TMEM248: variants seen among roughly 807,000 people sequenced by gnomAD.
TMEM248 encodes transmembrane protein 248, also known as UPF0458 protein C7orf42.
Under a neutral mutation model 30.3 loss-of-function variants are expected in TMEM248, and 9 were observed. The observed-to-expected ratio is 0.30, with a 90% CI of 0.18 to 0.52. The LOEUF (loss-of-function observed/expected upper bound fraction) is 0.52. Ranked by LOEUF, TMEM248 falls within the 20% of genes least tolerant of loss-of-function variation. The probability of loss-of-function intolerance (pLI) is 0.97; values close to 1 mark genes in which losing one functional copy is unlikely to be tolerated. For synonymous variants in TMEM248, 184 were observed against 154.4 expected (o/e 1.19, Z -1.42); for missense variants, 338 against 403.3 (o/e 0.84, Z 1.39).
At position 66,956,606 on chromosome 7, in the gene TMEM248, C is replaced by A. The variant is rs1792411247; in HGVS notation, c.*1084C>A. The stretch of plus-strand genomic sequence containing the variant: ...AGTAAAATTACGAAAACGATGCCTG[C>A]AAAATTTGAAGGAATGCAATTCTGA... On this transcript the variant is annotated 3_prime_UTR_variant, in exon 7 of 7. Coordinates refer to ENST00000341567, the MANE Select transcript of TMEM248 (RefSeq NM_017994.5). The A allele has an allele frequency of 6.6e-6, 1 of 152,114 alleles. No homozygotes were observed. The highest frequency in any genetic ancestry group is 2.4e-5 in the African/African-American group (1 of 41,408). The allele number at this position is 152,114 out of a possible 1,614,324, so 9.4% of individuals were successfully genotyped here.
chr7:66,955,765 C>G lies in TMEM248; in HGVS notation c.*243C>G. Reference sequence around the variant, plus strand: ...CAGAGCCCTTCAACCCCACCTTGGACTTGAGGACCTACCTGATGGGACGTT... The same window carrying G: ...CAGAGCCCTTCAACCCCACCTTGGAGTTGAGGACCTACCTGATGGGACGTT... On this transcript the variant is annotated 3_prime_UTR_variant, in exon 7 of 7. Transcript: ENST00000341567. 2.0e-6 allele frequency: 1 copy of G among 490,870 alleles called. No individual in the cohort carries two copies. Among genetic ancestry groups the G allele is most frequent in the Non-Finnish European group, 3.5e-6 (1 of 282,284 alleles). 30.4% of individuals were successfully genotyped at this position (490,870 alleles called of 1,614,324 possible). A position where few individuals can be genotyped will look rare whatever the true frequency, so the allele number is the denominator to read the frequency against.
intron 1 of TMEM248, among the ~76,000 whole-genome samples, chr7:66,934,781 G>A (rs929137714): frequency 6.6e-6 from 1 of 152,170 alleles, no homozygotes; most frequent in Non-Finnish European, 1.5e-5. Flanking sequence ...GCCAGGTGTG[G>A]TGGTTCACAC....
chr7:66,932,133 C>T (rs1037379675), intron 1 of TMEM248, among the ~76,000 whole-genome samples: 2 of 152,144 alleles, frequency 1.3e-5, no homozygotes, highest in Non-Finnish European at 2.9e-5. Flanking sequence ...CTGCTTTCCT[C>T]CCCTTATATT....
intron 1 of TMEM248, among the ~76,000 whole-genome samples, chr7:66,938,108 T>A (rs1584404254): frequency 1.3e-5 from 2 of 152,320 alleles, no homozygotes; most frequent in South Asian, 2.1e-4. Flanking sequence ...CTGGTTTTTT[T>A]ATTCATTCAG....
intron 1 of TMEM248, among the ~76,000 whole-genome samples, chr7:66,928,682 G>A (rs926401133): frequency 6.6e-6 from 1 of 152,014 alleles, no homozygotes; most frequent in African/African-American, 2.4e-5. Context: ...TAGTGAAAGG[G>A]GTTTTGCTTA....
At chr7:66,923,479 A>G (rs1220478588) in intron 1 of TMEM248, among the ~76,000 whole-genome samples, 1 of 152,108 alleles carries the variant, frequency 6.6e-6, no homozygotes, top group African/African-American at 2.4e-5. Context: ...GGACCTAGAA[A>G]GATCAAGAGG....
chr7:66,930,665 T>C (rs1311232535), intron 1 of TMEM248: 1 of 152,612 alleles, frequency 6.6e-6, no homozygotes, highest in South Asian at 2.1e-4. Flanking sequence ...TTCTGCGCAG[T>C]GCTTGGGGCA....
At chr7:66,940,280 A>G in intron 1 of TMEM248, among the ~76,000 whole-genome samples, 1 of 152,188 alleles carries the variant, frequency 6.6e-6, no homozygotes, top group East Asian at 1.9e-4. Context: ...AGAAGAGCAA[A>G]CGTGGAAATG....
chr7:66,924,384 C>G (rs887322218), intron 1 of TMEM248, among the ~76,000 whole-genome samples: 1 of 152,120 alleles, frequency 6.6e-6, no homozygotes, highest in Non-Finnish European at 1.5e-5. Flanking sequence ...CTGGCCTCAG[C>G]CTTAGCCCTT....
intron 1 of TMEM248, 64 bp from the exon 2 acceptor site, chr7:66,941,784 C>A: frequency 1.4e-6 from 2 of 1,457,750 alleles, no homozygotes; most frequent in South Asian, 3.0e-5. Context: ...CAAAAGGAAA[C>A]AAAAGAATCA....
rs1241838229 is a variant in TMEM248, at chr7:66,956,029, A to G, written c.*507A>G. 1.3e-5 allele frequency: 2 copies of G among 153,536 alleles called. No individual in the cohort carries two copies. The highest frequency in any genetic ancestry group is 1.5e-5 in the Non-Finnish European group (1 of 68,688). 9.5% of individuals were successfully genotyped at this position (153,536 alleles called of 1,614,324 possible). A position where few individuals can be genotyped will look rare whatever the true frequency, so the allele number is the denominator to read the frequency against. ...TGGCTTAATAATCATAGTAACAACAATAATACCTTTTTCTCCATTTTGCTT... is the reference window on the plus strand; with the variant it reads ...TGGCTTAATAATCATAGTAACAACAGTAATACCTTTTTCTCCATTTTGCTT... On this transcript the variant is annotated 3_prime_UTR_variant, in exon 7 of 7. Coordinates refer to ENST00000341567, the MANE Select transcript of TMEM248 (RefSeq NM_017994.5).
intron 3 of TMEM248, among the ~76,000 whole-genome samples, chr7:66,947,441 C>T (rs991574756): frequency 6.6e-6 from 1 of 152,046 alleles, no homozygotes; most frequent in African/African-American, 2.4e-5. Context: ...CTCACTCTGT[C>T]GCCCAGGTTG....
Position 66,950,989 on chromosome 7 carries a change from G to T in TMEM248, c.634G>T (p.Ala212Ser). The T allele has an allele frequency of 6.2e-7, 1 of 1,609,122 alleles. No homozygotes were observed. The change falls in exon 5 of 7, where the codon GCC (alanine) becomes TCC (serine). Residue 212 changes from alanine to serine, a missense_variant. Physicochemically the swap from Ala to Ser is moderately conservative, Grantham distance 99. Coordinates refer to ENST00000341567, the MANE Select transcript of TMEM248 (RefSeq NM_017994.5). The part of the protein sequence containing the change: ...PHCVPDTYSN[A>S]TLWYKIFTTA... ...CTGTGTTCCTGACACGTACAGCAAC[G>T]CCACGCTCTGGTACAAGATCTTCAC...
chr7:66,951,206 C>T (rs1051014976), intron 5 of TMEM248, 71 bp downstream of exon 5: 12 of 1,419,058 alleles, frequency 8.5e-6, no homozygotes, highest in African/African-American at 5.9e-5. Flanking sequence ...GTGCTGCAAC[C>T]GTTGGTGTAG....
At chr7:66,931,792 CTTTTTTTTTTTT>C (rs1156882038) in intron 1 of TMEM248, among the ~76,000 whole-genome samples, 6 of 88,458 alleles carry the variant, frequency 6.8e-5, no homozygotes, top group Middle Eastern at 8.2e-3. Flanking sequence ...GGCCTTCCTC[CTTTTTTTTTTTT>C]TTTTTTTTTT....
intron 3 of TMEM248, among the ~76,000 whole-genome samples, chr7:66,948,142 G>A (rs377246285): frequency 1.3e-5 from 2 of 152,204 alleles, no homozygotes; most frequent in African/African-American, 4.8e-5. Flanking sequence ...ATGTAAAAGG[G>A]GAACAGCTGC....
chr7:66,948,938 C>CTTT (rs1336947827), intron 4 of TMEM248, among the ~76,000 whole-genome samples: 1 of 152,154 alleles, frequency 6.6e-6, no homozygotes, highest in Non-Finnish European at 1.5e-5. Context: ...GCAGTAAAAG[C>CTTT]ACCTGGCTGT....
chr7:66,953,194 T>A, intron 5 of TMEM248, 32 bp from the exon 6 acceptor site: 2 of 1,610,592 alleles, frequency 1.2e-6, no homozygotes, highest in Non-Finnish European at 8.5e-7. Context: ...TCAGAGCAGA[T>A]GTTTCTGATT....
At chr7:66,949,327 A>G (rs760309843) in intron 4 of TMEM248, among the ~76,000 whole-genome samples, 7 of 152,082 alleles carry the variant, frequency 4.6e-5, no homozygotes, top group Non-Finnish European at 8.8e-5. Flanking sequence ...TCTCTACTAA[A>G]AATATAAAAA....
Sources: gnomAD v4.1 joint callset for allele counts (sites outside exome capture counted in the v4.1 genomes callset) on GRCh38, gnomAD v4.1.1 for gene constraint, MANE v1.5 for transcripts, NCBI Gene and HGNC (gene_info 2026-07-23, HGNC 2026-07-21) for gene names.